Variants in CLN3 observed in about 807,000 individuals in gnomAD.
CLN3 encodes CLN3 lysosomal/endosomal transmembrane protein, battenin.
CLN3 carries 49 observed loss-of-function variants against 60.7 expected under a neutral mutation model. The ratio of observed to expected loss-of-function variants is 0.81; its 90% confidence interval spans 0.64 to 1.02. CLN3 has a LOEUF of 1.02. Ranked by LOEUF, CLN3 falls within the 50% of genes least tolerant of loss-of-function variation. The pLI is 0.00. For missense variants in CLN3, 516 were observed against 557.4 expected, an observed-to-expected ratio of 0.93 and a Z score of 0.75; for synonymous variants, 256 against 245.8, an observed-to-expected ratio of 1.04 and a Z score of -0.39.
intron 10 of CLN3, among the ~76,000 whole-genome samples, chr16:28,483,132 T>C (rs1386656784): frequency 6.6e-6 from 1 of 151,954 alleles, no homozygotes; most frequent in Non-Finnish European, 1.5e-5. Flanking sequence ...TAAAAAATAA[T>C]AAAATGGTAA....
At chr16:28,481,446 ACACACACG>A (rs1168140399) in intron 14 of CLN3, among the ~76,000 whole-genome samples, 2 of 131,116 alleles carry the variant, frequency 1.5e-5, no homozygotes, top group East Asian at 4.0e-4. Flanking sequence ...ACACACACAC[ACACACACG>A]CACACACACA....
downstream of CLN3, chr16:28,470,670 A>T (rs1357525082): frequency 1.4e-5 from 6 of 438,292 alleles, no homozygotes; most frequent in East Asian, 2.8e-4. Context: ...AAGTAAGGGA[A>T]GGGAAAGGAG....
chr16:28,470,513 G>C (rs1223659938), downstream of CLN3: 45 of 1,085,128 alleles, frequency 4.1e-5, no homozygotes, highest in South Asian at 6.2e-4. Flanking sequence ...GGGAGGGAAG[G>C]GGACGGGGAC....
chr16:28,484,204 C>T (rs2141707383), intron 9 of CLN3, 86 bp from the exon 10 acceptor site: 2 of 917,604 alleles, frequency 2.2e-6, no homozygotes, highest in East Asian at 2.6e-5. Context: ...TCCCAGGGAA[C>T]ACCTCTACCT....
At chr16:28,487,267 C>G in intron 7 of CLN3, 189 bp downstream of exon 7, 1 of 659,192 alleles carries the variant, frequency 1.5e-6, no homozygotes, top group South Asian at 1.7e-5. Flanking sequence ...TCCATTTTCT[C>G]CCATCTCCTC....
At chr16:28,486,840 T>A in intron 7 of CLN3, 190 bp from the exon 8 acceptor site, 1 of 656,568 alleles carries the variant, frequency 1.5e-6, no homozygotes, top group Admixed American at 2.1e-5. Context: ...GAGTGGCACC[T>A]CCATCCACCC....
downstream of CLN3, among the ~76,000 whole-genome samples, chr16:28,470,832 G>A (rs1467778110): frequency 7.3e-6 from 1 of 136,390 alleles, no homozygotes; most frequent in African/African-American, 2.7e-5. Flanking sequence ...AGGACACGCG[G>A]GGCAAGGGAG....
At chr16:28,490,546 G>C (rs897092073) in intron 3 of CLN3, 3 of 151,404 alleles carry the variant, frequency 2.0e-5, no homozygotes, top group African/African-American at 7.3e-5. Flanking sequence ...GGATCACGAG[G>C]TCAGGAGATC....
At chr16:28,472,670 G>A (rs2045960381), downstream of CLN3, among the ~76,000 whole-genome samples, 3 of 150,014 alleles carry the variant, frequency 2.0e-5, no homozygotes, top group East Asian at 2.0e-4. Flanking sequence ...GTGAAACCCC[G>A]CCTCTATTAA....
chr16:28,482,002 AAT>A, intron 14 of CLN3, 101 bp downstream of exon 14: 1 of 832,900 alleles, frequency 1.2e-6, no homozygotes, highest in Admixed American at 2.7e-5. Context: ...AAAAAAAAAA[AAT>A]TTACACTTCC....
At chr16:28,481,458 A>ACACACGCG (rs1555468022) in intron 14 of CLN3, among the ~76,000 whole-genome samples, 33 of 128,940 alleles carry the variant, frequency 2.6e-4, no homozygotes, top group Non-Finnish European at 4.9e-4. Context: ...ACACACGCAC[A>ACACACGCG]CACACACACA....
At chr16:28,478,486 C>T (rs1463910582) in intron 14 of CLN3, among the ~76,000 whole-genome samples, 2 of 150,620 alleles carry the variant, frequency 1.3e-5, no homozygotes, top group African/African-American at 2.4e-5. Context: ...CATGGTGGCA[C>T]GCACCTGCAG....
At position 28,486,493 on chromosome 16, in the gene CLN3, G is replaced by A; in HGVS notation, c.534-3C>T. On this transcript the variant is annotated splice_polypyrimidine_tract_variant and splice_region_variant and intron_variant, in intron 8 of 15. Transcript: ENST00000636147. ...AGGACCACCAGGAGATCACGGCCCT[G>A]GGAAGGAGAACACAGGAACATTCAG... 6.2e-7 allele frequency: 1 copy of A among 1,612,114 alleles called. No homozygotes were observed. The highest frequency in any genetic ancestry group is 8.5e-7 in the Non-Finnish European group (1 of 1,179,178).
chr16:28,482,441 G>A (rs2046114777), intron 12 of CLN3, 36 bp downstream of exon 12: 6 of 1,613,420 alleles, frequency 3.7e-6, no homozygotes, highest in East Asian at 2.2e-5. Flanking sequence ...AGCCCCAATC[G>A]CCACCTCCAC....
chr16:28,486,726 T>C lies in CLN3; in HGVS notation c.461-76A>G, dbSNP rs2046227026. ...CCCAGGCCTCTAATGTGTCTGGCCA[T>C]GGCCTCCTCAGTATCAGCTCATAGA... On this transcript the variant is annotated intron_variant, in intron 7 of 15. Coordinates refer to ENST00000636147, the MANE Select transcript of CLN3 (RefSeq NM_001042432.2). The C allele has an allele frequency of 1.5e-5, 21 of 1,392,122 alleles. No homozygotes were observed. In the South Asian group the frequency reaches 2.3e-4, roughly 16 times the overall value. The allele number at this position is 1,392,122 out of a possible 1,614,324, so 86.2% of individuals were successfully genotyped here.
intron 7 of CLN3, chr16:28,486,866 G>A (rs1448491066): frequency 1.6e-6 from 1 of 629,576 alleles, no homozygotes. Flanking sequence ...TCAGACCAGG[G>A]GCAGACATGC....
At chr16:28,470,716 G>C (rs1405778323), downstream of CLN3, among the ~76,000 whole-genome samples, 1 of 150,886 alleles carries the variant, frequency 6.6e-6, no homozygotes, top group African/African-American at 2.4e-5. Flanking sequence ...AGGAGGTGGA[G>C]GAGGAGAAGA....
chr16:28,468,455 A>T, the CLN3 span, among the ~76,000 whole-genome samples: 9 of 150,588 alleles, frequency 6.0e-5, no homozygotes, highest in Non-Finnish European at 1.2e-4. Flanking sequence ...AGTAAAAAAA[A>T]AAAATACAAT....
intron 5 of CLN3, 24 bp downstream of exon 5, chr16:28,488,567 G>C: frequency 6.2e-7 from 1 of 1,611,728 alleles, no homozygotes; most frequent in Non-Finnish European, 8.5e-7. Context: ...GGTCAGGCAA[G>C]GACCAGGTGA....
Sources: allele counts gnomAD v4.1 joint callset (sites outside exome capture counted in the v4.1 genomes callset), GRCh38; gene constraint gnomAD v4.1.1; transcripts MANE v1.5; gene names NCBI Gene and HGNC (gene_info 2026-07-23, HGNC 2026-07-21).